The following CD2AP variants were observed in gnomAD, a reference collection of about 807,000 sequenced individuals.
CD2AP encodes the protein CD2-associated protein.
Under a neutral mutation model 85.1 loss-of-function variants are expected in CD2AP, and 46 were observed. That is an observed-to-expected ratio of 0.54 (90% CI 0.43 to 0.69). The LOEUF (loss-of-function observed/expected upper bound fraction) is 0.69, where lower values mean the gene tolerates loss of function less well. Among genes scored for constraint, CD2AP ranks in the 30% least tolerant of loss-of-function variants. The pLI, the probability that CD2AP is intolerant of heterozygous loss-of-function variation, is 0.00. For synonymous variants in CD2AP, 255 were observed against 252.9 expected, an observed-to-expected ratio of 1.01 and a Z score of -0.08; for missense variants, 769 against 729.5, an observed-to-expected ratio of 1.05 and a Z score of -0.62.
chr6:47,610,949 T>TTA (rs10580325), intron 16 of CD2AP, among the ~76,000 whole-genome samples: 8,427 of 114,112 alleles, frequency 0.074, 412 homozygotes, highest in South Asian at 0.15. Context: ...TATTTCTGAT[T>TTA]TATATATATA....
intron 1 of CD2AP, among the ~76,000 whole-genome samples, chr6:47,480,644 A>C (rs1272316408): frequency 6.6e-6 from 1 of 152,230 alleles, no homozygotes; most frequent in Non-Finnish European, 1.5e-5. Flanking sequence ...TGAATGAGTT[A>C]CTACTTGTAA....
chr6:47,487,571 T>A (rs1315927126), intron 1 of CD2AP, among the ~76,000 whole-genome samples: 1 of 152,022 alleles, frequency 6.6e-6, no homozygotes, highest in African/African-American at 2.4e-5. Flanking sequence ...GCGCCTGTAG[T>A]CCCAGCTGCT....
intron 7 of CD2AP, 22 bp downstream of exon 7, chr6:47,576,624 T>C (rs1768321555): frequency 6.8e-7 from 1 of 1,481,188 alleles, no homozygotes; most frequent in African/African-American, 1.4e-5. Context: ...AATAAAGCTT[T>C]CATATTGGGA....
intron 17 of CD2AP, among the ~76,000 whole-genome samples, chr6:47,615,789 T>TTAATTAA (rs1240983331): frequency 1.0e-3 from 94 of 89,774 alleles, no homozygotes; most frequent in African/African-American, 2.5e-3. Flanking sequence ...TTTAATTTAA[T>TTAATTAA]TTAATTTATT....
At chr6:47,501,472 G>A (rs1157636354) in intron 1 of CD2AP, among the ~76,000 whole-genome samples, 1 of 152,158 alleles carries the variant, frequency 6.6e-6, no homozygotes, top group African/African-American at 2.4e-5. Flanking sequence ...GTAACTCCCT[G>A]GGGCTGAGAG....
At chr6:47,542,817 A>G (rs1767252111) in intron 3 of CD2AP, among the ~76,000 whole-genome samples, 1 of 152,186 alleles carries the variant, frequency 6.6e-6, no homozygotes, top group African/African-American at 2.4e-5. Context: ...TGGTAAGTAC[A>G]GGGTGCTAGA....
intron 12 of CD2AP, among the ~76,000 whole-genome samples, chr6:47,598,581 A>G (rs1042923883): frequency 2.6e-5 from 4 of 151,068 alleles, no homozygotes; most frequent in African/African-American, 9.7e-5. Context: ...CGTAAAAAAG[A>G]TGGAAAAAAT....
intron 2 of CD2AP, among the ~76,000 whole-genome samples, chr6:47,524,554 C>T (rs1156271997): frequency 1.3e-5 from 2 of 151,950 alleles, no homozygotes; most frequent in African/African-American, 4.8e-5. Context: ...ATTTTCAGTT[C>T]ATTTCAATCA....
At chr6:47,528,045 A>G (rs1766775591) in intron 2 of CD2AP, among the ~76,000 whole-genome samples, 1 of 152,228 alleles carries the variant, frequency 6.6e-6, no homozygotes, top group South Asian at 2.1e-4. Flanking sequence ...GTTTTATTCA[A>G]TAGTGTGATT....
chr6:47,595,077 G>A (rs979882503), intron 11 of CD2AP, among the ~76,000 whole-genome samples: 9 of 151,968 alleles, frequency 5.9e-5, no homozygotes, highest in African/African-American at 2.2e-4. Context: ...ACTATCTCAT[G>A]TATGCATGTG....
intron 10 of CD2AP, 70 bp downstream of exon 10, chr6:47,580,970 T>A (rs1377431158): frequency 1.9e-6 from 2 of 1,050,916 alleles, no homozygotes; most frequent in Non-Finnish European, 3.0e-6. Flanking sequence ...TAAAATTGGA[T>A]CTAATGCAAA....
chr6:47,561,987 T>G (rs779677962), intron 5 of CD2AP, among the ~76,000 whole-genome samples: 4 of 152,138 alleles, frequency 2.6e-5, no homozygotes, highest in Non-Finnish European at 5.9e-5. Context: ...GCCAAGATGG[T>G]CTCAATGACC....
chr6:47,610,972 T>TATATTTATATATATATATATATATA, intron 16 of CD2AP, among the ~76,000 whole-genome samples: 1 of 56,342 alleles, frequency 1.8e-5, no homozygotes, highest in African/African-American at 8.3e-5. Context: ...TATATATGTA[T>TATATTTATATATATATATATATATA]TTTTTTTTTT....
intron 12 of CD2AP, among the ~76,000 whole-genome samples, chr6:47,598,806 A>G (rs938259168): frequency 6.6e-6 from 1 of 150,738 alleles, no homozygotes; most frequent in Non-Finnish European, 1.5e-5. Context: ...TACAGTGTGC[A>G]CTGCTCGGGT....
Position 47,533,653 on chromosome 6 carries a change from G to C in CD2AP, c.217G>C (p.Glu73Gln). Reference protein sequence around the residue: ...FKDDSLPIKRERHGNVASLVQ... With the variant: ...FKDDSLPIKRQRHGNVASLVQ... Reference sequence around the variant, plus strand: ...GGATGACAGTTTGCCCATCAAACGGGAAAGGCATGGGAATGTAGCAAGTCT... The same window carrying C: ...GGATGACAGTTTGCCCATCAAACGGCAAAGGCATGGGAATGTAGCAAGTCT... The change falls in exon 3 of 18, where the codon GAA (glutamate) becomes CAA (glutamine). Residue 73 changes from glutamate (E) to glutamine (Q), a missense_variant. Transcript: ENST00000359314. 6.2e-7 allele frequency: 1 copy of C among 1,614,066 alleles called. No homozygotes were observed. The highest frequency in any genetic ancestry group is 8.5e-7 in the Non-Finnish European group (1 of 1,179,992).
chr6:47,510,400 G>A (rs1228243807), intron 2 of CD2AP, among the ~76,000 whole-genome samples: 1 of 152,150 alleles, frequency 6.6e-6, no homozygotes, highest in Non-Finnish European at 1.5e-5. Flanking sequence ...GGGCTCCTTG[G>A]AGAAATGACT....
chr6:47,624,119 A>G (rs369315509), intron 17 of CD2AP, 67 bp from the exon 18 acceptor site: 5 of 1,216,534 alleles, frequency 4.1e-6, no homozygotes, highest in Non-Finnish European at 4.8e-6. Context: ...TCTTAATGAC[A>G]TAGAGTAAAA....
intron 1 of CD2AP, among the ~76,000 whole-genome samples, chr6:47,502,710 T>G (rs1236053174): frequency 6.6e-6 from 1 of 151,958 alleles, no homozygotes; most frequent in Non-Finnish European, 1.5e-5. Flanking sequence ...GCCGGGGTGG[T>G]CTCCATCTCT....
chr6:47,487,381 T>C (rs970071164), intron 1 of CD2AP, among the ~76,000 whole-genome samples: 3 of 152,172 alleles, frequency 2.0e-5, no homozygotes, highest in African/African-American at 7.2e-5. Context: ...TACAACTTCA[T>C]AGTTTAAAAC....
Sources: allele counts gnomAD v4.1 joint callset (sites outside exome capture counted in the v4.1 genomes callset), GRCh38; gene constraint gnomAD v4.1.1; transcripts MANE v1.5; gene names NCBI Gene and HGNC (gene_info 2026-07-23, HGNC 2026-07-21).